RBFOX1: variants seen among roughly 807,000 people sequenced by gnomAD.
The protein encoded by RBFOX1 is RNA binding fox-1 homolog 1, also known as RNA binding protein fox-1 homolog 1.
In RBFOX1, 8 loss-of-function variants were observed where a neutral mutation model predicts 57.7. The ratio of observed to expected loss-of-function variants is 0.14; its 90% CI spans 0.08 to 0.25. The LOEUF is 0.25. Ranked by LOEUF, RBFOX1 falls within the 10% of genes least tolerant of loss-of-function variation. The pLI is 1.00. For missense variants in RBFOX1, 611 were observed against 548.5 expected (o/e 1.11, Z -1.14); for synonymous variants, 326 against 222.4 (o/e 1.47, Z -4.15).
At chr16:6,186,489 G>T (rs1002560362) in intron 1 of RBFOX1, among the ~76,000 whole-genome samples, 6 of 152,146 alleles carry the variant, frequency 3.9e-5, no homozygotes, top group African/African-American at 1.2e-4. Context: ...TGCAGAAACA[G>T]ATAACTAAGA....
At chr16:7,344,437 T>C (rs1042339275) in intron 4 of RBFOX1, among the ~76,000 whole-genome samples, 1 of 150,154 alleles carries the variant, frequency 6.7e-6, no homozygotes, top group African/African-American at 2.4e-5. Context: ...ATATGTATTT[T>C]ATGTAACACA....
At chr16:6,238,024 GAGATTGC>G (rs1332388673) in intron 1 of RBFOX1, among the ~76,000 whole-genome samples, 1 of 146,110 alleles carries the variant, frequency 6.8e-6, no homozygotes, top group Non-Finnish European at 1.5e-5. Flanking sequence ...CTGGGAGGCA[GAGATTGC>G]AGTAAGCTGA....
At chr16:6,988,642 G>T (rs139261536) in intron 3 of RBFOX1, among the ~76,000 whole-genome samples, 6 of 151,030 alleles carry the variant, frequency 4.0e-5, no homozygotes, top group African/African-American at 1.5e-4. Context: ...GTGCGATCTC[G>T]GCTCACTACA....
chr16:7,215,457 G>C (rs1362462534), intron 4 of RBFOX1, among the ~76,000 whole-genome samples: 7 of 152,152 alleles, frequency 4.6e-5, no homozygotes, highest in Non-Finnish European at 7.3e-5. Context: ...GGAAAATGTA[G>C]CACATATACA....
At position 5,705,183 on chromosome 16, in the gene RBFOX1, A is replaced by G. The variant is rs559960559; in HGVS notation, c.318+106222A>G. On this transcript the variant is annotated intron_variant, in intron 3 of 19. Coordinates refer to the RBFOX1 transcript ENST00000641259. ...CTTTGTCCTTGAAGGCTATCTTCCTATCTTCCATCATGCTTCATATTCTTT... is the reference window on the plus strand; with the variant it reads ...CTTTGTCCTTGAAGGCTATCTTCCTGTCTTCCATCATGCTTCATATTCTTT... 2.0e-4 allele frequency among the ~76,000 whole-genome samples: 30 copies of G among 152,298 alleles called. No individual in the cohort carries two copies. In the South Asian group the frequency reaches 2.9e-3, roughly 15 times the overall value.
chr16:5,987,580 G>A (rs1241391984), intron 4 of RBFOX1, among the ~76,000 whole-genome samples: 1 of 152,122 alleles, frequency 6.6e-6, no homozygotes, highest in Non-Finnish European at 1.5e-5. Flanking sequence ...GCATGTGCCT[G>A]TTTTTCTAGG....
chr16:6,891,749 A>T (rs542017975), intron 3 of RBFOX1, among the ~76,000 whole-genome samples: 1 of 152,180 alleles, frequency 6.6e-6, no homozygotes, highest in Non-Finnish European at 1.5e-5. Context: ...TGAAGGTGCA[A>T]TCTGTCTTCA....
chr16:7,030,000 C>A (rs746516427), intron 3 of RBFOX1, among the ~76,000 whole-genome samples: 1 of 152,072 alleles, frequency 6.6e-6, no homozygotes, highest in Non-Finnish European at 1.5e-5. Context: ...TTTTCGGTCA[C>A]GTGTGTGTGA....
intron 2 of RBFOX1, among the ~76,000 whole-genome samples, chr16:6,508,826 C>T (rs893186442): frequency 2.7e-5 from 4 of 150,580 alleles, no homozygotes; most frequent in Admixed American, 1.3e-4. Flanking sequence ...AAAGTAATCA[C>T]GGTAAAACTG....
rs2057275543 is a variant in RBFOX1, at chr16:5,863,491, CG to C, written c.319-3810del. Among the ~76,000 whole-genome samples the C allele has an allele frequency of 4.6e-5, 7 of 152,320 alleles. No individual in the cohort carries two copies. In the South Asian group the frequency reaches 1.5e-3, roughly 32 times the overall value. On this transcript the variant is annotated intron_variant, in intron 3 of 19. Coordinates refer to the RBFOX1 transcript ENST00000641259. Reference sequence around the variant, plus strand: ...CATCCTCCAGCAGGCCTCTGCGGTACGGTCTGGCTTGCCCAGCGTGCAGTCC... The same window carrying C: ...CATCCTCCAGCAGGCCTCTGCGGTACGTCTGGCTTGCCCAGCGTGCAGTCC...
rs560288551 is a variant in RBFOX1, at chr16:7,052,066, C to A, written c.-6C>A. 3 of 1,612,472 alleles carry A rather than the reference C, an allele frequency of 1.9e-6. No individual in the cohort carries two copies. The highest frequency in any genetic ancestry group is 1.3e-5 in the African/African-American group (1 of 74,946). ...TTTCTTTTCTTTCTAGGTTTCAAGA[C>A]AACAGATGAATTGTGAAAGAGAGCA... On this transcript the variant is annotated 5_prime_UTR_variant, in exon 4 of 16. Transcript: ENST00000550418.
rs536796303 is a variant in RBFOX1, at chr16:6,296,577, C to A, written c.-126-20418C>A. On this transcript the variant is annotated intron_variant, in intron 1 of 15. Transcript: ENST00000550418. ...CTGGGACTACAGGCGTCCACCACCACACCTGGCTAATCTTTTATATTTTTA... is the reference window on the plus strand; with the variant it reads ...CTGGGACTACAGGCGTCCACCACCAAACCTGGCTAATCTTTTATATTTTTA... Among the ~76,000 whole-genome samples, 7 of 152,200 alleles carry A rather than the reference C, an allele frequency of 4.6e-5. No homozygotes were observed. The East Asian group carries it at 1.4e-3, about 30-fold the overall frequency.
intron 1 of RBFOX1, among the ~76,000 whole-genome samples, chr16:6,230,240 TAAC>T (rs1414029678): frequency 1.3e-5 from 2 of 152,270 alleles, no homozygotes; most frequent in African/African-American, 4.8e-5. Flanking sequence ...TTTTTTTAAA[TAAC>T]AATAATCACC....
At chr16:6,850,629 A>G (rs534583589) in intron 3 of RBFOX1, among the ~76,000 whole-genome samples, 1 of 152,308 alleles carries the variant, frequency 6.6e-6, no homozygotes, top group Non-Finnish European at 1.5e-5. Context: ...ATGACTCCTA[A>G]TGTCATTCTT....
intron 1 of RBFOX1, among the ~76,000 whole-genome samples, chr16:6,035,626 G>A (rs1159723079): frequency 6.6e-6 from 1 of 152,150 alleles, no homozygotes; most frequent in African/African-American, 2.4e-5. Flanking sequence ...TGGCAAGCGG[G>A]AGGCATCAGC....
At chr16:5,285,766 G>GT (rs34636764) in intron 1 of RBFOX1, among the ~76,000 whole-genome samples, 19 of 151,378 alleles carry the variant, frequency 1.3e-4, no homozygotes, top group African/African-American at 1.7e-4. Flanking sequence ...TTAGACTGCA[G>GT]TTTTTTTTTG....
intron 2 of RBFOX1, among the ~76,000 whole-genome samples, chr16:6,634,072 C>CACACATACACACACACAT (rs992593459): frequency 6.9e-6 from 1 of 145,664 alleles, no homozygotes; most frequent in East Asian, 2.0e-4. Flanking sequence ...AACCTACACA[C>CACACATACACACACACAT]ACACATACAC....
chr16:5,616,115 TG>T (rs2048015679), intron 3 of RBFOX1: 2 of 152,596 alleles, frequency 1.3e-5, no homozygotes, highest in South Asian at 4.1e-4. Context: ...CAAGGGACAG[TG>T]TGGACCTACT....
rs540804278 is a variant in RBFOX1 at position 5,435,214 on chromosome 16, G to A, written c.220-32002G>A. On this transcript the variant is annotated intron_variant, in intron 1 of 2. Coordinates refer to the RBFOX1 transcript ENST00000585867. Reference sequence around the variant, plus strand: ...TGGTGCTTCTCAAGTAGCTGGTGATGGGTGCTTCTCCATATGCGTCTATGA... The same window carrying A: ...TGGTGCTTCTCAAGTAGCTGGTGATAGGTGCTTCTCCATATGCGTCTATGA... Among the ~76,000 whole-genome samples the A allele has an allele frequency of 2.6e-5, 4 of 152,292 alleles. No homozygotes were observed. The East Asian group carries it at 7.7e-4, about 29-fold the overall frequency.
Sources: allele counts gnomAD v4.1 joint callset (sites outside exome capture counted in the v4.1 genomes callset), GRCh38; gene constraint gnomAD v4.1.1; transcripts MANE v1.5; gene names NCBI Gene and HGNC (gene_info 2026-07-23, HGNC 2026-07-21).